SCRN1: variants seen among roughly 807,000 people sequenced by gnomAD.
The protein encoded by SCRN1 is secernin 1.
In SCRN1, 19 loss-of-function variants were observed where a neutral mutation model predicts 43.3. The ratio of observed to expected loss-of-function variants is 0.44; its 90% CI spans 0.31 to 0.64. SCRN1 has a LOEUF of 0.64. Among genes scored for constraint, SCRN1 ranks in the 30% least tolerant of loss-of-function variants. The pLI, the probability that SCRN1 is intolerant of heterozygous loss-of-function variation, is 0.09. For synonymous variants in SCRN1, 183 were observed against 188.9 expected (o/e 0.97, Z 0.26); for missense variants, 447 against 524.1 (o/e 0.85, Z 1.44).
rs148401704 is a variant in SCRN1, at chr7:29,986,464, T to A, written c.-2+3178A>T. Among the ~76,000 whole-genome samples, 814 of 152,196 alleles carry A rather than the reference T, an allele frequency of 5.3e-3. 4 individuals are homozygous for A. Among genetic ancestry groups the A allele is most frequent in the African/African-American group, 0.019 (772 of 41,540 alleles). ...GTGTGTATATTTTACACTCAGCATA[T>A]CTCAATACAAACTAGCTGCATTTCA... On this transcript the variant is annotated intron_variant, in intron 1 of 7. Coordinates refer to ENST00000242059, the MANE Select transcript of SCRN1 (RefSeq NM_014766.5).
chr7:29,954,083 T>C lies in SCRN1; in HGVS notation c.341+1096A>G, dbSNP rs537202857. Among the ~76,000 whole-genome samples, 42 of 152,296 alleles carry C rather than the reference T, an allele frequency of 2.8e-4. No individual in the cohort carries two copies. The South Asian group carries it at 7.0e-3, about 26-fold the overall frequency. ...CTTTGTTCCAGCCTACCTTCTACTT[T>C]AGTCATTCATTCAAAATTCAGTTAT... On this transcript the variant is annotated intron_variant, in intron 3 of 7. Transcript: ENST00000242059.
intron 4 of SCRN1, among the ~76,000 whole-genome samples, chr7:29,941,665 G>A (rs575826707): frequency 2.6e-5 from 4 of 152,298 alleles, no homozygotes; most frequent in Admixed American, 1.3e-4. Flanking sequence ...TCTAGAATTA[G>A]AAATGCCTGC....
In SCRN1 at chr7:29,921,695, T is replaced by A. The variant is rs1786765135; in HGVS notation, c.*2262A>T. ...AGCTCTCAATTAGGGTTGCCTTCTT[T>A]AAGATGCTTGACCAAGGTCAATGTA... On this transcript the variant is annotated 3_prime_UTR_variant, in exon 8 of 8. Transcript: ENST00000242059. 6.6e-6 allele frequency: 1 copy of A among 152,248 alleles called. No individual in the cohort carries two copies. Among genetic ancestry groups the A allele is most frequent in the Non-Finnish European group, 1.5e-5 (1 of 68,054 alleles). The allele number at this position is 152,248 out of a possible 1,614,324, so 9.4% of individuals were successfully genotyped here. A position where few individuals can be genotyped will look rare whatever the true frequency, so the allele number is the denominator to read the frequency against.
intron 3 of SCRN1, among the ~76,000 whole-genome samples, chr7:29,954,931 T>C (rs547601107): frequency 1.3e-5 from 2 of 152,308 alleles, no homozygotes; most frequent in South Asian, 4.1e-4. Context: ...TCCACCTGCC[T>C]CGGCCTCCCA....
At chr7:29,971,945 C>T (rs1308137995) in intron 1 of SCRN1, among the ~76,000 whole-genome samples, 1 of 152,164 alleles carries the variant, frequency 6.6e-6, no homozygotes, top group Non-Finnish European at 1.5e-5. Context: ...GAAAATAATT[C>T]CCTTCTAGCT....
At chr7:29,957,726 G>C (rs1052262142) in intron 2 of SCRN1, among the ~76,000 whole-genome samples, 1 of 152,198 alleles carries the variant, frequency 6.6e-6, no homozygotes, top group African/African-American at 2.4e-5. Flanking sequence ...GTCCGCTAGA[G>C]GCTGTATCAC....
intron 1 of SCRN1, 65 bp downstream of exon 1, chr7:29,989,577 C>T (rs1789292690): frequency 3.1e-5 from 31 of 985,566 alleles, no homozygotes; most frequent in Non-Finnish European, 3.7e-5. Context: ...GTGGCGATGG[C>T]GGGTGGGGTG....
chr7:29,947,364 G>T, intron 3 of SCRN1: 1 of 1,543,510 alleles, frequency 6.5e-7, no homozygotes, highest in South Asian at 1.2e-5. Context: ...CCTGCTTAAA[G>T]CCCGTTTGTT....
At chr7:29,940,602 C>T in intron 5 of SCRN1, 80 bp downstream of exon 5, 3 of 1,361,570 alleles carry the variant, frequency 2.2e-6, no homozygotes, top group African/African-American at 1.5e-5. Context: ...GTTCACCCTT[C>T]TAAGTTCAGA....
chr7:29,947,372 G>T, intron 3 of SCRN1: 1 of 1,536,982 alleles, frequency 6.5e-7, no homozygotes, highest in Non-Finnish European at 8.8e-7. Flanking sequence ...AAGCCCGTTT[G>T]TTTAGAAACT....
chr7:29,926,344 G>C (rs1786951595), intron 7 of SCRN1, 108 bp downstream of exon 7: 1 of 1,201,950 alleles, frequency 8.3e-7, no homozygotes, highest in Non-Finnish European at 1.2e-6. Context: ...GGTCACACTG[G>C]ATGGGTGGGG....
In SCRN1 at chr7:29,971,582, C is replaced by A. The variant is rs1031320090; in HGVS notation, c.-1-2514G>T. ...CGGAGAGGCTGAGGCTGCAGTGAGC[C>A]GAGATCACGCCACTGCACTCTCAGC... is the stretch of plus-strand genomic sequence containing the variant. On this transcript the variant is annotated intron_variant, in intron 1 of 7. Transcript: ENST00000242059. Among the ~76,000 whole-genome samples the A allele has an allele frequency of 3.4e-5, 5 of 148,938 alleles. No individual in the cohort carries two copies. In the Admixed American group the frequency reaches 3.4e-4, roughly 10 times the overall value.
At chr7:29,928,197 C>A (rs976945463) in intron 6 of SCRN1, among the ~76,000 whole-genome samples, 4 of 152,080 alleles carry the variant, frequency 2.6e-5, no homozygotes, top group Non-Finnish European at 5.9e-5. Flanking sequence ...AGCCAATAAC[C>A]CTTGCCAGCC....
chr7:29,934,817 C>T (rs890394635), intron 6 of SCRN1, among the ~76,000 whole-genome samples: 5 of 152,276 alleles, frequency 3.3e-5, no homozygotes, highest in Non-Finnish European at 4.4e-5. Context: ...ACGGGTGCCA[C>T]GGGAGGGTGG....
At chr7:29,951,490 C>T (rs1387223632) in intron 3 of SCRN1, among the ~76,000 whole-genome samples, 2 of 152,222 alleles carry the variant, frequency 1.3e-5, no homozygotes, top group Non-Finnish European at 2.9e-5. Context: ...AAAAGCAACA[C>T]CGTAAGGATC....
chr7:29,972,075 A>G (rs1788683717), intron 1 of SCRN1, among the ~76,000 whole-genome samples: 1 of 152,172 alleles, frequency 6.6e-6, no homozygotes, highest in Non-Finnish European at 1.5e-5. Flanking sequence ...AGACTGGAGG[A>G]GTAGAGAGAG....
intron 4 of SCRN1, 68 bp downstream of exon 4, chr7:29,943,909 C>A: frequency 1.4e-6 from 2 of 1,442,346 alleles, no homozygotes; most frequent in Non-Finnish European, 2.0e-6. Context: ...TGACACTGTA[C>A]GTGCAGGCCA....
At chr7:29,979,890 C>T (rs1788946793) in intron 1 of SCRN1, among the ~76,000 whole-genome samples, 1 of 152,164 alleles carries the variant, frequency 6.6e-6, no homozygotes, top group Non-Finnish European at 1.5e-5. Context: ...TTTTCCTATA[C>T]ATGGCAGGTT....
intron 2 of SCRN1, among the ~76,000 whole-genome samples, chr7:29,956,816 T>C (rs575105149): frequency 6.6e-6 from 1 of 152,306 alleles, no homozygotes; most frequent in South Asian, 2.1e-4. Flanking sequence ...ATTTTCCCTC[T>C]ATGCAGTTCC....
Sources: allele counts gnomAD v4.1 joint callset (sites outside exome capture counted in the v4.1 genomes callset), GRCh38; gene constraint gnomAD v4.1.1; transcripts MANE v1.5; gene names NCBI Gene and HGNC (gene_info 2026-07-23, HGNC 2026-07-21).